The following CAP1 variants were observed in gnomAD, a reference collection of about 807,000 sequenced individuals.
CAP1 encodes the protein cyclase associated actin cytoskeleton regulatory protein 1.
CAP1 carries 11 observed loss-of-function variants against 58.2 expected under a neutral mutation model. The ratio of observed to expected loss-of-function variants is 0.19; its 90% CI spans 0.12 to 0.31. CAP1 has a LOEUF of 0.31. Ranked by LOEUF, CAP1 falls within the 10% of genes least tolerant of loss-of-function variation. The pLI, the probability that CAP1 is intolerant of heterozygous loss-of-function variation, is 1.00. For missense variants in CAP1, 423 were observed against 587.5 expected (o/e 0.72, Z 2.89); for synonymous variants, 183 against 213.8 (o/e 0.86, Z 1.26).
rs543356368 is a variant in CAP1 at position 40,071,239 on chromosome 1, T to C, written c.1345-211T>C. Among the ~76,000 whole-genome samples, 6 of 152,230 alleles carry C rather than the reference T, an allele frequency of 3.9e-5. No homozygotes were observed. In the South Asian group the frequency reaches 1.2e-3, roughly 32 times the overall value. ...TTGTCAGGCTGGTGCTATAAAGCCA[T>C]ATGTACTGTTATTTACACCCCATAG... On this transcript the variant is annotated intron_variant, in intron 12 of 12. Transcript: ENST00000372805.
chr1:40,062,773 T>TTTG (rs1553163968), intron 4 of CAP1, among the ~76,000 whole-genome samples: 5 of 145,526 alleles, frequency 3.4e-5, no homozygotes, highest in Non-Finnish European at 6.0e-5. Context: ...TCAAAAAACA[T>TTTG]TGTGTGTGTG....
At chr1:40,069,626 A>T in intron 8 of CAP1, 64 bp from the exon 9 acceptor site, 1 of 1,416,498 alleles carries the variant, frequency 7.1e-7, no homozygotes, top group Non-Finnish European at 9.7e-7. Flanking sequence ...GATGTTTAAC[A>T]TGACGATAGC....
intron 1 of CAP1, among the ~76,000 whole-genome samples, chr1:40,050,976 C>T (rs1283774901): frequency 4.6e-5 from 7 of 152,104 alleles, no homozygotes; most frequent in African/African-American, 1.7e-4. Context: ...GCAGGCTAAC[C>T]CACTCACATT....
chr1:40,065,314 A>G (rs1320950084), intron 6 of CAP1, among the ~76,000 whole-genome samples: 1 of 152,242 alleles, frequency 6.6e-6, no homozygotes, highest in African/African-American at 2.4e-5. Context: ...CTAACCACAT[A>G]CGTCTACCAG....
intron 11 of CAP1, 61 bp from the exon 12 acceptor site, chr1:40,070,775 C>T (rs1647791579): frequency 6.8e-7 from 1 of 1,478,222 alleles, no homozygotes; most frequent in Admixed American, 2.1e-5. Flanking sequence ...AAACCTTTTC[C>T]TGCGACTTAC....
At chr1:40,062,300 T>G (rs1225266851) in intron 4 of CAP1, among the ~76,000 whole-genome samples, 1 of 152,182 alleles carries the variant, frequency 6.6e-6, no homozygotes, top group Non-Finnish European at 1.5e-5. Context: ...AAATTTAGAT[T>G]TCTCTTGGAG....
intron 3 of CAP1, among the ~76,000 whole-genome samples, chr1:40,061,105 G>A (rs980477390): frequency 2.0e-5 from 3 of 150,734 alleles, no homozygotes; most frequent in African/African-American, 7.3e-5. Context: ...GAACATATTC[G>A]TAACTGAGAT....
In CAP1 at chr1:40,064,132, A is replaced by G; in HGVS notation, c.295-95A>G. 3.4e-6 allele frequency: 4 copies of G among 1,190,912 alleles called. No individual in the cohort carries two copies. In the Admixed American group the frequency reaches 5.7e-5, roughly 17 times the overall value. The allele number at this position is 1,190,912 out of a possible 1,614,324, so 73.8% of individuals were successfully genotyped here. ...CATGCAGTTTATTTGGGTGCTCACT[A>G]GAGTCCATAGAGAATTCTTGCCTTC... On this transcript the variant is annotated intron_variant, in intron 4 of 12. Coordinates refer to ENST00000372805, the MANE Select transcript of CAP1 (RefSeq NM_006367.4).
chr1:40,048,693 T>G (rs11207419), intron 1 of CAP1, among the ~76,000 whole-genome samples: 21,505 of 152,036 alleles, frequency 0.14, 1,793 homozygotes, highest in African/African-American at 0.24. Flanking sequence ...TTTCCACACT[T>G]CATTTAGCTA....
intron 4 of CAP1, 132 bp from the exon 5 acceptor site, chr1:40,064,095 C>A: frequency 1.3e-6 from 1 of 769,956 alleles, no homozygotes; most frequent in South Asian, 1.8e-5. Flanking sequence ...CCTTAGGAAT[C>A]AGGACAGGAC....
In CAP1 at chr1:40,061,773, T is replaced by A; in HGVS notation, c.255T>A (p.Ala85=). The A allele has an allele frequency of 1.2e-6, 2 of 1,614,174 alleles. No homozygotes were observed. Among genetic ancestry groups the A allele is most frequent in the Non-Finnish European group, 1.7e-6 (2 of 1,179,994 alleles). The change falls in exon 4 of 13, where the codon GCT becomes GCA. Residue 85 remains alanine, a synonymous_variant. Coordinates refer to ENST00000372805, the MANE Select transcript of CAP1 (RefSeq NM_006367.4). ...ACACAGGTTTGAAGTTGGAGCGAGCTCTGTTGGTTACAGCTTCTCAGTGTC... is the reference window on the plus strand; with the variant it reads ...ACACAGGTTTGAAGTTGGAGCGAGCACTGTTGGTTACAGCTTCTCAGTGTC... The part of the protein sequence containing the change: ...MVHTGLKLER[A]LLVTASQCQQ...
At chr1:40,044,505 A>G (rs1453731428) in intron 1 of CAP1, among the ~76,000 whole-genome samples, 1 of 152,148 alleles carries the variant, frequency 6.6e-6, no homozygotes, top group Non-Finnish European at 1.5e-5. Context: ...CAACCAGACA[A>G]ATCTTTTTAA....
upstream of CAP1, chr1:40,040,423 G>A (rs1242564367): frequency 1.4e-4 from 22 of 152,378 alleles, no homozygotes; most frequent in Admixed American, 1.4e-3. Context: ...AGCTTAGCCA[G>A]GGACTTCTGC....
chr1:40,045,152 T>G (rs1350333754), intron 1 of CAP1, among the ~76,000 whole-genome samples: 1 of 152,130 alleles, frequency 6.6e-6, no homozygotes, highest in Non-Finnish European at 1.5e-5. Context: ...CTCTACCCAG[T>G]AGATGCCAAT....
chr1:40,042,831 A>G (rs1645900976), intron 1 of CAP1, among the ~76,000 whole-genome samples: 1 of 152,160 alleles, frequency 6.6e-6, no homozygotes, highest in African/African-American at 2.4e-5. Context: ...GATGTGAGCA[A>G]TATTAAGAAG....
Position 40,070,924 on chromosome 1 carries a change from T to G in CAP1, c.1289T>G (p.Val430Gly), listed in dbSNP as rs774708884. ...LSKNSLDCEIVSAKSSEMNVL... is the reference protein window; with the variant it reads ...LSKNSLDCEIGSAKSSEMNVL... The stretch of plus-strand genomic sequence containing the variant: ...AAGAATTCCCTGGATTGTGAAATAG[T>G]CAGTGCCAAATCTTCCGAGATGAAT... The change falls in exon 12 of 13, where the codon GTC becomes GGC. Residue 430 changes from valine (V) to glycine (G), a missense_variant. Physicochemically the swap from Val to Gly is moderately radical, Grantham distance 109. Transcript: ENST00000372805. The G allele has an allele frequency of 6.2e-7, 1 of 1,613,986 alleles. No homozygotes were observed.
In CAP1 at chr1:40,060,160, T is replaced by G; in HGVS notation, c.206T>G (p.Val69Gly). The G allele has an allele frequency of 6.2e-7, 1 of 1,612,558 alleles. No homozygotes were observed. The highest frequency in any genetic ancestry group is 8.5e-7 in the Non-Finnish European group (1 of 1,178,896). ...LKISKEIGGD[V>G]QKHAEMVHTG... ...ATCAGTAAAGAGATTGGGGGAGACG[T>G]GCAGAAACATGTAAGGATGTTTTGC... is the stretch of plus-strand genomic sequence containing the variant. The change falls in exon 3 of 13, where the codon GTG (valine) becomes GGG (glycine). Residue 69 changes from valine to glycine, a missense_variant. By Grantham distance (109) the Val-to-Gly change is moderately radical (BLOSUM62 -3). Transcript: ENST00000372805.
chr1:40,061,901 AGACCTACTAG>A, intron 4 of CAP1, 89 bp downstream of exon 4: 1 of 978,508 alleles, frequency 1.0e-6, no homozygotes, highest in Non-Finnish European at 1.6e-6. Context: ...ATTTTAAAAT[AGACCTACTAG>A]GCTTTTGATA....
chr1:40,071,135 G>T (rs1174801548), intron 12 of CAP1, among the ~76,000 whole-genome samples, 156 bp downstream of exon 12: 1 of 152,208 alleles, frequency 6.6e-6, no homozygotes, highest in Non-Finnish European at 1.5e-5. Flanking sequence ...GTCCCATGTA[G>T]TGGAGCCCCA....
Sources: allele counts gnomAD v4.1 joint callset (sites outside exome capture counted in the v4.1 genomes callset), GRCh38; gene constraint gnomAD v4.1.1; transcripts MANE v1.5; gene names NCBI Gene and HGNC (gene_info 2026-07-23, HGNC 2026-07-21).